GABRG3: variants seen among roughly 807,000 people sequenced by gnomAD.
GABRG3 encodes gamma-aminobutyric acid receptor subunit gamma-3.
GABRG3 carries 25 observed loss-of-function variants against 48.8 expected under a neutral mutation model. The ratio of observed to expected loss-of-function variants is 0.51; its 90% CI spans 0.37 to 0.72. The LOEUF (loss-of-function observed/expected upper bound fraction) is 0.72, where lower values mean the gene tolerates loss of function less well. Ranked by LOEUF, GABRG3 falls within the 30% of genes least tolerant of loss-of-function variation. The pLI is 0.00. For missense variants in GABRG3, 394 were observed against 577.9 expected (o/e 0.68, Z 3.26); for synonymous variants, 227 against 217.6 (o/e 1.04, Z -0.38).
chr15:27,250,047 C>T (rs1890404247), intron 3 of GABRG3, among the ~76,000 whole-genome samples: 1 of 152,114 alleles, frequency 6.6e-6, no homozygotes. Flanking sequence ...TGTGTGTCCT[C>T]CATCCTCCTG....
intron 5 of GABRG3, chr15:27,428,048 A>C (rs1405830403): frequency 6.6e-6 from 1 of 151,644 alleles, no homozygotes; most frequent in African/African-American, 2.4e-5. Context: ...TGCCTGGCTA[A>C]TTTTTTTTTA....
At chr15:27,248,033 A>G (rs534716154) in intron 3 of GABRG3, among the ~76,000 whole-genome samples, 24 of 152,316 alleles carry the variant, frequency 1.6e-4, no homozygotes, top group Non-Finnish European at 2.9e-4. Context: ...TAGAGACAGG[A>G]GTGACTCCAC....
chr15:27,340,895 G>T, intron 5 of GABRG3: 1 of 445,704 alleles, frequency 2.2e-6, no homozygotes, highest in South Asian at 1.8e-5. Context: ...GTTCTGTTAT[G>T]TACTTTTGTG....
intron 3 of GABRG3, among the ~76,000 whole-genome samples, chr15:27,138,146 T>C (rs74004707): frequency 0.16 from 24,308 of 152,212 alleles, 2,100 homozygotes; most frequent in Admixed American, 0.25. Flanking sequence ...TTTTCAGCTA[T>C]TTATTCTGAT....
At chr15:27,477,787 T>C (rs1889985448) in intron 5 of GABRG3, among the ~76,000 whole-genome samples, 1 of 152,130 alleles carries the variant, frequency 6.6e-6, no homozygotes, top group South Asian at 2.1e-4. Flanking sequence ...ACACCTGTAA[T>C]CCCAGCACTT....
chr15:27,329,927 TATTGTATTGGCTTTCTTTAAA>T (rs1893747450), intron 5 of GABRG3, among the ~76,000 whole-genome samples: 1 of 152,236 alleles, frequency 6.6e-6, no homozygotes, highest in African/African-American at 2.4e-5. Flanking sequence ...GAATTCAGTT[TATTGTATTGGCTTTCTTTAAA>T]ATTGCATATG....
intron 2 of GABRG3, among the ~76,000 whole-genome samples, chr15:26,986,294 T>C (rs1895149902): frequency 6.6e-6 from 1 of 152,190 alleles, no homozygotes; most frequent in Non-Finnish European, 1.5e-5. Context: ...GTAAAAGCTA[T>C]TACTGTAGAG....
intron 3 of GABRG3, among the ~76,000 whole-genome samples, chr15:27,073,919 T>C (rs1896867723): frequency 6.6e-6 from 1 of 152,234 alleles, no homozygotes; most frequent in Admixed American, 6.5e-5. Context: ...TAGTTTGTTT[T>C]CATGCTGCTT....
At chr15:26,998,353 T>C (rs1895379001) in intron 2 of GABRG3, among the ~76,000 whole-genome samples, 1 of 152,214 alleles carries the variant, frequency 6.6e-6, no homozygotes, top group South Asian at 2.1e-4. Flanking sequence ...TTAATCCTTA[T>C]GGCATTCTTC....
At position 27,327,033 on chromosome 15, in the gene GABRG3, A is replaced by G. The variant is rs1256316835; in HGVS notation, c.491+4A>G. On this transcript the variant is annotated splice_donor_region_variant and intron_variant, in intron 4 of 9. Coordinates refer to ENST00000615808, the MANE Select transcript of GABRG3 (RefSeq NM_033223.5). ...GGAAAATCCTTTACACTTTGAGGTA[A>G]GATGCTGCATCGATCTTTGATTACT... is the stretch of plus-strand genomic sequence containing the variant. 11 of 1,610,208 alleles carry G rather than the reference A, an allele frequency of 6.8e-6. No homozygotes were observed. The highest frequency in any genetic ancestry group is 1.7e-5 in the Admixed American group (1 of 59,522).
Position 27,352,265 on chromosome 15 carries a change from C to T in GABRG3, c.574+23377C>T, listed in dbSNP as rs1205792692. 2.0e-5 allele frequency among the ~76,000 whole-genome samples: 3 copies of T among 151,876 alleles called. No individual in the cohort carries two copies. Among genetic ancestry groups the T allele is most frequent in the African/African-American group, 7.3e-5 (3 of 41,272 alleles). On this transcript the variant is annotated intron_variant, in intron 5 of 9. Coordinates refer to ENST00000615808, the MANE Select transcript of GABRG3 (RefSeq NM_033223.5). This position sits in a 1 kb window ranked among gnomAD's most constrained non-coding sequence, Gnocchi z 4.0. ...CCGTTCAGCTAATCTCCGTCTCGCG[C>T]TCACTGTTCACAGCGTAAATCCAGA...
intron 5 of GABRG3, among the ~76,000 whole-genome samples, chr15:27,437,658 C>T (rs977836528): frequency 1.2e-4 from 19 of 152,248 alleles, no homozygotes; most frequent in African/African-American, 4.6e-4. Context: ...GGAGAAGATG[C>T]AGAAGTAAAC....
At chr15:27,183,885 G>A (rs1171220397) in intron 3 of GABRG3, among the ~76,000 whole-genome samples, 1 of 152,162 alleles carries the variant, frequency 6.6e-6, no homozygotes, top group Non-Finnish European at 1.5e-5. Flanking sequence ...TCCTATGCAT[G>A]GTTATTCATC....
chr15:27,110,767 T>A (rs2140370354), intron 3 of GABRG3, among the ~76,000 whole-genome samples: 1 of 152,320 alleles, frequency 6.6e-6, no homozygotes, highest in South Asian at 2.1e-4. Context: ...CTCACACTTC[T>A]ATAGGTGTGG....
At position 27,386,269 on chromosome 15, in the gene GABRG3, C is replaced by T. The variant is rs114518045; in HGVS notation, c.574+57381C>T. On this transcript the variant is annotated intron_variant, in intron 5 of 9. Transcript: ENST00000615808. ...GAGTTTGTTTCCCGTCCTTTGCTGT[C>T]GGATTTTTAAAACTGAGGAAGTTAA... Among the ~76,000 whole-genome samples, 677 of 152,240 alleles carry T rather than the reference C, an allele frequency of 4.4e-3. 3 individuals carry two copies. Among genetic ancestry groups the T allele is most frequent in the African/African-American group, 0.014 (583 of 41,538 alleles).
rs535139331 is a variant in GABRG3, at chr15:27,003,796, C to T, written c.203-22958C>T. On this transcript the variant is annotated intron_variant, in intron 2 of 9. Transcript: ENST00000615808. The stretch of plus-strand genomic sequence containing the variant: ...GGGGCTCCTCACTTCCCAGTAGGGG[C>T]GGCTGGGCAGAGGCGCCCCTCACCT... Among the ~76,000 whole-genome samples, 231 of 151,188 alleles carry T rather than the reference C, an allele frequency of 1.5e-3. 1 individual carries two copies. Among genetic ancestry groups the T allele is most frequent in the African/African-American group, 5.2e-3 (216 of 41,290 alleles).
intron 3 of GABRG3, among the ~76,000 whole-genome samples, chr15:27,197,580 C>G (rs974935904): frequency 6.6e-5 from 10 of 151,580 alleles, no homozygotes; most frequent in African/African-American, 2.4e-4. Flanking sequence ...TGATGTTGAG[C>G]GGTGCATTTA....
chr15:27,044,979 T>A (rs1054998098), intron 3 of GABRG3, among the ~76,000 whole-genome samples: 3 of 152,362 alleles, frequency 2.0e-5, no homozygotes, highest in Admixed American at 2.0e-4. Flanking sequence ...AAAGCCCAAA[T>A]TTAGTTTGAT....
chr15:27,504,152 C>T (rs1890707598), intron 6 of GABRG3, among the ~76,000 whole-genome samples: 1 of 151,962 alleles, frequency 6.6e-6, no homozygotes, highest in South Asian at 2.1e-4. Context: ...TGGGTATTTG[C>T]ACAATTTAAA....
Sources: allele counts gnomAD v4.1 joint callset (sites outside exome capture counted in the v4.1 genomes callset), GRCh38; gene constraint gnomAD v4.1.1; non-coding constraint Gnocchi (gnomAD v3.1); transcripts MANE v1.5; gene names NCBI Gene and HGNC (gene_info 2026-07-23, HGNC 2026-07-21).